ALMS1: variants seen among roughly 807,000 people sequenced by gnomAD.
The protein encoded by ALMS1 is ALMS1 centrosome and basal body associated protein, also known as centrosome-associated protein ALMS1.
Under a neutral mutation model 352.2 loss-of-function variants are expected in ALMS1, and 271 were observed. The ratio of observed to expected loss-of-function variants is 0.77; its 90% confidence interval spans 0.70 to 0.85. The LOEUF (loss-of-function observed/expected upper bound fraction) is 0.85. Ranked by LOEUF, ALMS1 falls within the 40% of genes least tolerant of loss-of-function variation. The pLI is 0.00. For missense variants in ALMS1, 5,445 were observed against 4,870.7 expected (o/e 1.12, Z -3.51); for synonymous variants, 1,865 against 1,761.2 (o/e 1.06, Z -1.48).
chr2:73,565,732 T>C (rs1260440733), intron 15 of ALMS1, among the ~76,000 whole-genome samples: 1 of 152,208 alleles, frequency 6.6e-6, no homozygotes, highest in Non-Finnish European at 1.5e-5. Context: ...ATGAGAAATA[T>C]ATTTTAACTT....
At chr2:73,538,566 T>G (rs1283506065) in intron 12 of ALMS1, among the ~76,000 whole-genome samples, 1 of 152,136 alleles carries the variant, frequency 6.6e-6, no homozygotes, top group African/African-American at 2.4e-5. Flanking sequence ...ACACCGAGCG[T>G]GAGCCGAAGC....
chr2:73,553,010 A>G (rs375556917), intron 13 of ALMS1, among the ~76,000 whole-genome samples: 2 of 152,226 alleles, frequency 1.3e-5, no homozygotes. Context: ...AAGGACTAGT[A>G]TAGGAATAAA....
At chr2:73,394,060 A>G (rs1322488347) in intron 1 of ALMS1, among the ~76,000 whole-genome samples, 1 of 152,000 alleles carries the variant, frequency 6.6e-6, no homozygotes, top group African/African-American at 2.4e-5. Flanking sequence ...GGCTAAAGCC[A>G]TCTGCCCACC....
intron 1 of ALMS1, among the ~76,000 whole-genome samples, chr2:73,404,742 C>T (rs1405233387): frequency 6.6e-6 from 1 of 151,720 alleles, no homozygotes; most frequent in Non-Finnish European, 1.5e-5. Context: ...CTTCTAATGT[C>T]TTTGTCTGAC....
chr2:73,576,350 A>C (rs774411729), intron 16 of ALMS1, among the ~76,000 whole-genome samples: 13 of 152,170 alleles, frequency 8.5e-5, no homozygotes, highest in Admixed American at 5.9e-4. Flanking sequence ...TAATACTACC[A>C]TATGTGCAAT....
In ALMS1 at chr2:73,449,342, G is replaced by A; in HGVS notation, c.2815G>A (p.Val939Ile). Reference protein sequence around the residue: ...EEALKVSAVSVLAAQKTGTPT... With the variant: ...EEALKVSAVSILAAQKTGTPT... ...AGCTCTGAAGGTTTCAGCTGTTTCTGTATTGGCTGCCCAGAAGACTGGGAC... is the reference window on the plus strand; with the variant it reads ...AGCTCTGAAGGTTTCAGCTGTTTCTATATTGGCTGCCCAGAAGACTGGGAC... The change falls in exon 8 of 23, where the codon GTA (valine) becomes ATA (isoleucine). Residue 939 changes from valine to isoleucine, a missense_variant. Coordinates refer to ENST00000613296, the MANE Select transcript of ALMS1 (RefSeq NM_001378454.1). The A allele has an allele frequency of 6.2e-7, 1 of 1,614,072 alleles. No homozygotes were observed. Among genetic ancestry groups the A allele is most frequent in the East Asian group, 2.2e-5 (1 of 44,874 alleles).
intron 10 of ALMS1, among the ~76,000 whole-genome samples, chr2:73,518,072 G>A (rs1002056338): frequency 6.6e-6 from 1 of 151,764 alleles, no homozygotes; most frequent in East Asian, 1.9e-4. Flanking sequence ...CAGGTACTAA[G>A]CGTGGTACCC....
At chr2:73,433,117 A>G (rs1671544712) in intron 7 of ALMS1, among the ~76,000 whole-genome samples, 1 of 152,174 alleles carries the variant, frequency 6.6e-6, no homozygotes, top group Non-Finnish European at 1.5e-5. Context: ...TGAATTTGAG[A>G]TGGAGCTGAC....
At chr2:73,574,098 TAAAA>T (rs1052090054) in intron 16 of ALMS1, among the ~76,000 whole-genome samples, 5 of 152,138 alleles carry the variant, frequency 3.3e-5, no homozygotes, top group African/African-American at 1.2e-4. Flanking sequence ...CTTTTTAATA[TAAAA>T]AGAGAACAAA....
chr2:73,459,912 G>T (rs1285001456), intron 9 of ALMS1, among the ~76,000 whole-genome samples: 1 of 152,106 alleles, frequency 6.6e-6, no homozygotes, highest in Non-Finnish European at 1.5e-5. Context: ...CAGACAATGT[G>T]TGTGTACATA....
At position 73,386,091 on chromosome 2, in the gene ALMS1, G is replaced by A; in HGVS notation, c.223G>A (p.Glu75Lys). 1 of 1,596,224 alleles carries A rather than the reference G, an allele frequency of 6.3e-7. No individual in the cohort carries two copies. Among genetic ancestry groups the A allele is most frequent in the South Asian group, 1.1e-5 (1 of 87,868 alleles). ...LESIDDEEDE[E>K]AKAWLQAHPG... ...AAGTATAGACGACGAGGAGGACGAG[G>A]AGGCCAAGGCCTGGCTGCAGGCGCA... Residue 75 changes from glutamate (E) to lysine (K), a missense_variant, in exon 1 of 23, where the codon GAG (glutamate) becomes AAG (lysine). Glu to Lys is a moderately conservative substitution (Grantham distance 56, BLOSUM62 1). Transcript: ENST00000613296.
chr2:73,577,428 C>T (rs1041343737), intron 16 of ALMS1, among the ~76,000 whole-genome samples: 1 of 151,182 alleles, frequency 6.6e-6, no homozygotes, highest in Admixed American at 6.6e-5. Flanking sequence ...TCATTTATCT[C>T]CATTGAATCT....
chr2:73,464,054 C>G (rs1480454662), intron 9 of ALMS1, among the ~76,000 whole-genome samples: 1 of 152,140 alleles, frequency 6.6e-6, no homozygotes, highest in East Asian at 1.9e-4. Context: ...GAAACTATTC[C>G]AATCAATAGA....
At chr2:73,446,451 G>A (rs1671812215) in intron 7 of ALMS1, among the ~76,000 whole-genome samples, 1 of 152,118 alleles carries the variant, frequency 6.6e-6, no homozygotes, top group African/African-American at 2.4e-5. Context: ...GACCCAGCAG[G>A]CAAGAACCTC....
intron 6 of ALMS1, among the ~76,000 whole-genome samples, chr2:73,431,812 A>G (rs1482219799): frequency 1.3e-5 from 2 of 152,160 alleles, no homozygotes; most frequent in African/African-American, 2.4e-5. Flanking sequence ...CTTAAAAAGA[A>G]ATACCTGAGC....
chr2:73,561,056 C>A (rs892315104), intron 15 of ALMS1, among the ~76,000 whole-genome samples: 7 of 152,196 alleles, frequency 4.6e-5, no homozygotes, highest in African/African-American at 1.7e-4. Flanking sequence ...AGAAGCAGGA[C>A]AAAGACAGTT....
chr2:73,391,229 C>T (rs1336944314), intron 1 of ALMS1, among the ~76,000 whole-genome samples: 1 of 151,636 alleles, frequency 6.6e-6, no homozygotes, highest in South Asian at 2.1e-4. Context: ...CGTTTCTGCT[C>T]CCCATCTCCA....
At position 73,450,679 on chromosome 2, in the gene ALMS1, T is replaced by C; in HGVS notation, c.4152T>C (p.His1384=). ...TAACCTCTACTTCTTACTCACAACA[T>C]ACAGAGAAGCCGAGTATTTTCTACC... is the stretch of plus-strand genomic sequence containing the variant. ...PTVTSTSYSQ[H]TEKPSIFYQQ... Residue 1384 remains histidine (H), a synonymous_variant, in exon 8 of 23, where the codon CAT becomes CAC. Coordinates refer to ENST00000613296, the MANE Select transcript of ALMS1 (RefSeq NM_001378454.1). 1 of 1,611,866 alleles carries C rather than the reference T, an allele frequency of 6.2e-7. No homozygotes were observed. The highest frequency in any genetic ancestry group is 8.5e-7 in the Non-Finnish European group (1 of 1,179,528).
intron 1 of ALMS1, among the ~76,000 whole-genome samples, chr2:73,392,840 T>C (rs1670678758): frequency 6.6e-6 from 1 of 152,220 alleles, no homozygotes. Flanking sequence ...GACATATGGA[T>C]TCATTTCTCT....
Sources: allele counts gnomAD v4.1 joint callset (sites outside exome capture counted in the v4.1 genomes callset), GRCh38; gene constraint gnomAD v4.1.1; transcripts MANE v1.5; gene names NCBI Gene and HGNC (gene_info 2026-07-23, HGNC 2026-07-21).